The following ELFN1 variants were observed in gnomAD, a reference collection of about 807,000 sequenced individuals.
ELFN1 encodes extracellular leucine rich repeat and fibronectin type III domain containing 1.
In ELFN1, 6 loss-of-function variants were observed where a neutral mutation model predicts 7.6. The observed-to-expected ratio is 0.79, with a 90% CI of 0.43 to 1.56. ELFN1 has a LOEUF of 1.56. Ranked by LOEUF, ELFN1 falls within the 40% of genes most tolerant of loss-of-function variation. ELFN1 has a pLI of 0.01. For synonymous variants in ELFN1, 657 were observed against 588.1 expected (o/e 1.12, Z -1.70); for missense variants, 1,169 against 1,232.2 (o/e 0.95, Z 0.77).
chr7:1,734,751 A>G (rs927710135), intron 3 of ELFN1, among the ~76,000 whole-genome samples: 2 of 151,246 alleles, frequency 1.3e-5, no homozygotes, highest in African/African-American at 4.9e-5. Flanking sequence ...AGGCTGGAAC[A>G]CAGTGGCACA....
At chr7:1,724,547 C>G (rs1039521204) in intron 3 of ELFN1, among the ~76,000 whole-genome samples, 3 of 152,176 alleles carry the variant, frequency 2.0e-5, no homozygotes, top group African/African-American at 7.2e-5. Flanking sequence ...TGCAAACTCT[C>G]AAATTTCGCC....
chr7:1,666,150 G>C (rs919827015), upstream of ELFN1, among the ~76,000 whole-genome samples: 3 of 152,050 alleles, frequency 2.0e-5, no homozygotes, highest in African/African-American at 7.2e-5. This position sits in a 1 kb window ranked among gnomAD's most constrained non-coding sequence, Gnocchi z 7.9. Context: ...CCTCCAGCCC[G>C]GGGCCCGCAC....
intron 3 of ELFN1, among the ~76,000 whole-genome samples, chr7:1,713,401 G>A (rs145605487): frequency 5.3e-5 from 8 of 152,268 alleles, no homozygotes; most frequent in African/African-American, 1.9e-4. Context: ...GGGGTGGGAC[G>A]CATTGTTTCC....
upstream of ELFN1, among the ~76,000 whole-genome samples, chr7:1,667,827 G>A (rs188990135): frequency 5.4e-3 from 825 of 152,312 alleles, 2 homozygotes; most frequent in Non-Finnish European, 8.0e-3. This position sits in a 1 kb window ranked among gnomAD's most constrained non-coding sequence, Gnocchi z 8.2. Context: ...GTTGGGCCCC[G>A]GACAGATGTC....
intron 2 of ELFN1, among the ~76,000 whole-genome samples, chr7:1,701,835 A>G (rs1054018269): frequency 6.6e-6 from 1 of 152,134 alleles, no homozygotes; most frequent in Non-Finnish European, 1.5e-5. Context: ...TTATATATAC[A>G]TATTTTATCT....
At chr7:1,743,846 C>T (rs1275093760) in intron 3 of ELFN1, among the ~76,000 whole-genome samples, 1 of 152,214 alleles carries the variant, frequency 6.6e-6, no homozygotes, top group Non-Finnish European at 1.5e-5. Flanking sequence ...CACGCACATC[C>T]CTGGCCGCAG....
chr7:1,706,395 C>G (rs1289260128), intron 2 of ELFN1, among the ~76,000 whole-genome samples: 1 of 152,182 alleles, frequency 6.6e-6, no homozygotes, highest in African/African-American at 2.4e-5. Flanking sequence ...GCACTCCAGC[C>G]TGGGCAACAG....
rs910988786 is a variant in ELFN1, at chr7:1,740,559, G to T, written c.-293-3745G>T. Among the ~76,000 whole-genome samples, 1 of 152,192 alleles carries T rather than the reference G, an allele frequency of 6.6e-6. No homozygotes were observed. The highest frequency in any genetic ancestry group is 2.4e-5 in the African/African-American group (1 of 41,436). ...GTGACTTGAGTGAGCGAGCCCAGCTGGAAAGGGCTTTGGGGGGGCCTGTGG... is the reference window on the plus strand; with the variant it reads ...GTGACTTGAGTGAGCGAGCCCAGCTTGAAAGGGCTTTGGGGGGGCCTGTGG... On this transcript the variant is annotated intron_variant, in intron 3 of 3. Transcript: ENST00000424383. This position sits in a 1 kb window ranked among gnomAD's most constrained non-coding sequence, Gnocchi z 5.0.
chr7:1,670,202 G>T (rs1016683610), upstream of ELFN1, among the ~76,000 whole-genome samples: 1 of 150,880 alleles, frequency 6.6e-6, no homozygotes, highest in African/African-American at 2.4e-5. The surrounding 1 kb of genome is among the most constrained non-coding windows in gnomAD (Gnocchi z 6.4). Flanking sequence ...GGGCGAGCTT[G>T]AATTCCCCCC....
At chr7:1,712,934 G>C (rs558421063) in intron 3 of ELFN1, among the ~76,000 whole-genome samples, 7 of 152,194 alleles carry the variant, frequency 4.6e-5, no homozygotes, top group Non-Finnish European at 1.0e-4. Flanking sequence ...GGGATGTGTA[G>C]ACCGCCTGGC....
chr7:1,737,158 C>T (rs1780471936), intron 3 of ELFN1, among the ~76,000 whole-genome samples: 1 of 152,204 alleles, frequency 6.6e-6, no homozygotes, highest in Non-Finnish European at 1.5e-5. Flanking sequence ...TCCTACTCTT[C>T]TGCTGGGGCC....
intron 2 of ELFN1, among the ~76,000 whole-genome samples, chr7:1,698,631 T>G (rs1779366167): frequency 1.3e-5 from 2 of 152,200 alleles, no homozygotes; most frequent in African/African-American, 4.8e-5. Flanking sequence ...GTGTATACAC[T>G]AAAGAAAACT....
At chr7:1,677,182 G>A (rs894114184) in intron 1 of ELFN1, among the ~76,000 whole-genome samples, 6 of 152,226 alleles carry the variant, frequency 3.9e-5, no homozygotes, top group Non-Finnish European at 7.3e-5. Context: ...CCTGTGGAGA[G>A]GAAGGTTGTG....
chr7:1,690,535 A>T (rs1779140134), intron 2 of ELFN1, among the ~76,000 whole-genome samples: 1 of 149,292 alleles, frequency 6.7e-6, no homozygotes, highest in African/African-American at 2.5e-5. Context: ...TGGATGCTAG[A>T]CAGATATATG....
rs1408811574 is a variant in ELFN1 at position 1,747,503 on chromosome 7, C to T, written c.*420C>T. ...TAAAAGACAAGTTATTTTAAAAAGA[C>T]ATAAAATGCCATCCGTGGGGGGTGT... On this transcript the variant is annotated 3_prime_UTR_variant, in exon 4 of 4. Transcript: ENST00000424383. The T allele has an allele frequency of 4.8e-5, 8 of 165,888 alleles. No homozygotes were observed. In the Admixed American group the frequency reaches 5.2e-4, roughly 11 times the overall value. The allele number at this position is 165,888 out of a possible 1,614,324, so 10.3% of individuals were successfully genotyped here. A position where few individuals can be genotyped will look rare whatever the true frequency, so the allele number is the denominator to read the frequency against.
upstream of ELFN1, among the ~76,000 whole-genome samples, chr7:1,668,401 A>G (rs1255312347): frequency 6.6e-6 from 1 of 152,250 alleles, no homozygotes; most frequent in Non-Finnish European, 1.5e-5. Flanking sequence ...CTTCGGCTGC[A>G]CTTGGCCAGC....
At chr7:1,671,975 C>T (rs538565747) in intron 1 of ELFN1, among the ~76,000 whole-genome samples, 2 of 152,334 alleles carry the variant, frequency 1.3e-5, no homozygotes, top group Non-Finnish European at 2.9e-5. Context: ...CCCTAGTGGG[C>T]AGAAGACCTG....
In ELFN1 at chr7:1,688,130, C is replaced by G. The variant is rs1212228722; in HGVS notation, c.-476C>G. 6.6e-6 allele frequency: 1 copy of G among 150,806 alleles called. No individual in the cohort carries two copies. The highest frequency in any genetic ancestry group is 1.5e-5 in the Non-Finnish European group (1 of 67,874). 9.3% of individuals were successfully genotyped at this position (150,806 alleles called of 1,614,324 possible). A position where few individuals can be genotyped will look rare whatever the true frequency, so the allele number is the denominator to read the frequency against. On this transcript the variant is annotated 5_prime_UTR_variant, in exon 2 of 4. Coordinates refer to ENST00000424383, the MANE Select transcript of ELFN1 (RefSeq NM_001128636.4). ...TTAAGCGATTCTCCTACGTTGGTCT[C>G]CCAAAGTGCTGGGATTACAGGTATG... is the stretch of plus-strand genomic sequence containing the variant.
upstream of ELFN1, among the ~76,000 whole-genome samples, chr7:1,668,122 C>T (rs1778700167): frequency 6.6e-6 from 1 of 152,256 alleles, no homozygotes; most frequent in Non-Finnish European, 1.5e-5. Flanking sequence ...CGCGCGTACC[C>T]CTACCCGCCC....
Sources: allele counts gnomAD v4.1 joint callset (sites outside exome capture counted in the v4.1 genomes callset), GRCh38; gene constraint gnomAD v4.1.1; non-coding constraint Gnocchi (gnomAD v3.1); transcripts MANE v1.5; gene names NCBI Gene and HGNC (gene_info 2026-07-23, HGNC 2026-07-21).